Variants in SOX6 observed in about 807,000 individuals in gnomAD.
The protein encoded by SOX6 is SRY-box transcription factor 6.
Under a neutral mutation model 97.8 loss-of-function variants are expected in SOX6, and 11 were observed. The observed-to-expected ratio is 0.11, with a 90% CI of 0.07 to 0.19. The LOEUF is 0.19. Ranked by LOEUF, SOX6 falls within the 10% of genes least tolerant of loss-of-function variation. The probability of loss-of-function intolerance (pLI) is 1.00; values close to 1 mark genes in which losing one functional copy is unlikely to be tolerated. For missense variants in SOX6, 810 were observed against 1,039.5 expected (o/e 0.78, Z 3.04); for synonymous variants, 360 against 371.4 (o/e 0.97, Z 0.35).
At chr11:16,583,638 C>CATATATAT (rs1329710047) in intron 4 of SOX6, among the ~76,000 whole-genome samples, 7 of 104,600 alleles carry the variant, frequency 6.7e-5, no homozygotes, top group Non-Finnish European at 1.3e-4. Flanking sequence ...TATATATATA[C>CATATATAT]ACATACACAC....
At chr11:16,682,233 T>C (rs989299580) in intron 3 of SOX6, among the ~76,000 whole-genome samples, 4 of 152,114 alleles carry the variant, frequency 2.6e-5, no homozygotes, top group African/African-American at 9.7e-5. Context: ...GGCAGGAGAA[T>C]GGCATGAACC....
intron 3 of SOX6, among the ~76,000 whole-genome samples, chr11:16,237,558 G>A (rs913349741): frequency 5.3e-5 from 8 of 151,820 alleles, no homozygotes; most frequent in African/African-American, 1.9e-4. Flanking sequence ...TTCTGATCAA[G>A]CATAAATGCA....
intron 2 of SOX6, among the ~76,000 whole-genome samples, chr11:16,322,654 TA>T (rs1414150475): frequency 6.6e-6 from 1 of 152,132 alleles, no homozygotes; most frequent in Non-Finnish European, 1.5e-5. Context: ...TGTGTAGAAT[TA>T]TCTGGCAAGT....
intron 13 of SOX6, among the ~76,000 whole-genome samples, chr11:16,013,602 T>C (rs764398856): frequency 6.6e-6 from 1 of 152,004 alleles, no homozygotes; most frequent in African/African-American, 2.4e-5. Context: ...CTCCCTCTTC[T>C]TCGTTCCTTT....
At chr11:16,427,479 ACT>A (rs1859168714) in intron 1 of SOX6, among the ~76,000 whole-genome samples, 1 of 136,146 alleles carries the variant, frequency 7.3e-6, no homozygotes, top group African/African-American at 2.8e-5. Context: ...ATCCCTCCCC[ACT>A]CCCCCCACCC....
intron 9 of SOX6, among the ~76,000 whole-genome samples, chr11:16,088,684 A>C (rs1333598497): frequency 6.6e-6 from 1 of 152,194 alleles, no homozygotes; most frequent in Non-Finnish European, 1.5e-5. Context: ...AAGCTACCAC[A>C]TGTGATTTCA....
intron 1 of SOX6, among the ~76,000 whole-genome samples, chr11:16,436,299 C>T (rs900255821): frequency 2.0e-5 from 3 of 152,028 alleles, no homozygotes; most frequent in Non-Finnish European, 2.9e-5. Flanking sequence ...ACTTATTTTT[C>T]TCTATTCTTT....
At chr11:16,352,851 A>G (rs1324885061) in intron 1 of SOX6, among the ~76,000 whole-genome samples, 11 of 152,066 alleles carry the variant, frequency 7.2e-5, no homozygotes, top group Non-Finnish European at 1.3e-4. Context: ...AACATAGAGC[A>G]GGTAATTCTC....
chr11:16,049,133 C>T (rs1311626962), intron 11 of SOX6, among the ~76,000 whole-genome samples: 1 of 152,074 alleles, frequency 6.6e-6, no homozygotes, highest in Non-Finnish European at 1.5e-5. Flanking sequence ...GGTCACATAG[C>T]TAGAAAATGA....
At chr11:16,588,614 A>C (rs1848120069) in intron 4 of SOX6, among the ~76,000 whole-genome samples, 2 of 152,162 alleles carry the variant, frequency 1.3e-5, no homozygotes, top group South Asian at 4.2e-4. Flanking sequence ...CCTCTCCTGA[A>C]CATGATAAAT....
chr11:16,584,605 G>A (rs762844342), intron 4 of SOX6, among the ~76,000 whole-genome samples: 2 of 152,154 alleles, frequency 1.3e-5, no homozygotes, highest in Non-Finnish European at 2.9e-5. Flanking sequence ...CTATTGTCAT[G>A]AGGCAAACCT....
chr11:16,624,407 C>T (rs1249306556), intron 3 of SOX6, among the ~76,000 whole-genome samples: 2 of 152,018 alleles, frequency 1.3e-5, no homozygotes, highest in African/African-American at 2.4e-5. Flanking sequence ...AGGATGATCT[C>T]GATCTCTTGA....
At chr11:16,221,964 A>G (rs1318849508) in intron 4 of SOX6, among the ~76,000 whole-genome samples, 2 of 152,168 alleles carry the variant, frequency 1.3e-5, no homozygotes, top group East Asian at 1.9e-4. Flanking sequence ...CTTTTAAGAA[A>G]CTGCCACTTG....
chr11:16,005,567 C>T (rs1037368544), intron 13 of SOX6, among the ~76,000 whole-genome samples: 1 of 152,000 alleles, frequency 6.6e-6, no homozygotes, highest in Non-Finnish European at 1.5e-5. Flanking sequence ...ACTAACAGGT[C>T]TGTAGCTCTC....
intron 6 of SOX6, among the ~76,000 whole-genome samples, chr11:16,170,887 T>G (rs1317716999): frequency 6.6e-6 from 1 of 151,976 alleles, no homozygotes; most frequent in Non-Finnish European, 1.5e-5. Context: ...ATTTCCCACC[T>G]ATTTCTCCCC....
intron 3 of SOX6, among the ~76,000 whole-genome samples, chr11:16,276,962 C>T (rs773409412): frequency 1.2e-4 from 18 of 152,206 alleles, no homozygotes; most frequent in Non-Finnish European, 1.3e-4. Context: ...GCTTTTCACA[C>T]GCAGTGAGCA....
chr11:16,467,428 A>G (rs1860062167), intron 1 of SOX6, among the ~76,000 whole-genome samples: 1 of 152,258 alleles, frequency 6.6e-6, no homozygotes, highest in Non-Finnish European at 1.5e-5. Flanking sequence ...AAAATGTGGT[A>G]CATACACACT....
chr11:16,063,434 T>C (rs1009493198), intron 9 of SOX6, among the ~76,000 whole-genome samples: 5 of 144,502 alleles, frequency 3.5e-5, no homozygotes, highest in Admixed American at 1.4e-4. Flanking sequence ...TGTCCAAATA[T>C]AGCCAAACTG....
intron 4 of SOX6, among the ~76,000 whole-genome samples, chr11:16,188,339 G>C (rs1851538939): frequency 6.6e-6 from 1 of 151,712 alleles, no homozygotes; most frequent in Admixed American, 6.6e-5. Context: ...TTGTTAGAAA[G>C]TGTATTCCAC....
Sources: allele counts gnomAD v4.1 joint callset (sites outside exome capture counted in the v4.1 genomes callset), GRCh38; gene constraint gnomAD v4.1.1; transcripts MANE v1.5; gene names NCBI Gene and HGNC (gene_info 2026-07-23, HGNC 2026-07-21).